CNTNAP5: variants seen among roughly 807,000 people sequenced by gnomAD.
CNTNAP5 encodes the protein contactin-associated protein-like 5.
In CNTNAP5, 72 loss-of-function variants were observed where a neutral mutation model predicts 150.2. The observed-to-expected ratio is 0.48, with a 90% CI of 0.40 to 0.58. The LOEUF (loss-of-function observed/expected upper bound fraction) is 0.58. Among genes scored for constraint, CNTNAP5 ranks in the 20% least tolerant of loss-of-function variants. CNTNAP5 has a pLI of 0.00. For missense variants in CNTNAP5, 1,636 were observed against 1,626.2 expected (o/e 1.01, Z -0.10); for synonymous variants, 672 against 619.8 (o/e 1.08, Z -1.25).
intron 3 of CNTNAP5, among the ~76,000 whole-genome samples, chr2:124,280,484 T>C (rs146975887): frequency 6.6e-6 from 1 of 152,162 alleles, no homozygotes; most frequent in Non-Finnish European, 1.5e-5. Flanking sequence ...TGATTATTTT[T>C]TTTGCCACAA....
At chr2:124,511,918 C>T (rs1368244111) in intron 8 of CNTNAP5, among the ~76,000 whole-genome samples, 1 of 121,014 alleles carries the variant, frequency 8.3e-6, no homozygotes, top group Non-Finnish European at 1.6e-5. Context: ...AATATCTAAA[C>T]CTGAATAGGG....
At chr2:124,767,100 G>C (rs888649369) in intron 16 of CNTNAP5, among the ~76,000 whole-genome samples, 2 of 152,122 alleles carry the variant, frequency 1.3e-5, no homozygotes, top group Non-Finnish European at 1.5e-5. Context: ...TACCCTAAAG[G>C]GTTCATGGCA....
At chr2:124,346,789 G>C (rs150136598) in intron 3 of CNTNAP5, among the ~76,000 whole-genome samples, 32 of 152,014 alleles carry the variant, frequency 2.1e-4, no homozygotes, top group African/African-American at 6.5e-4. Context: ...ATCCAGTACT[G>C]ACCAGGCATG....
intron 17 of CNTNAP5, among the ~76,000 whole-genome samples, chr2:124,780,202 T>C (rs1375678596): frequency 1.3e-5 from 2 of 152,158 alleles, no homozygotes; most frequent in African/African-American, 4.8e-5. Flanking sequence ...GATGTCCCTG[T>C]TCCACTTGGG....
intron 10 of CNTNAP5, among the ~76,000 whole-genome samples, chr2:124,529,836 C>T (rs1558941633): frequency 6.6e-6 from 1 of 152,138 alleles, no homozygotes; most frequent in Non-Finnish European, 1.5e-5. Flanking sequence ...TTGTTGCAGG[C>T]TGTAGAGAAC....
At chr2:124,845,738 T>C (rs754444276) in intron 19 of CNTNAP5, among the ~76,000 whole-genome samples, 1 of 152,122 alleles carries the variant, frequency 6.6e-6, no homozygotes. Context: ...TCCAGGAATG[T>C]ATCCATCTCC....
chr2:124,807,106 A>G lies in CNTNAP5; in HGVS notation c.3217+8786A>G, dbSNP rs201834302. 2.0e-5 allele frequency among the ~76,000 whole-genome samples: 3 copies of G among 152,114 alleles called. No individual in the cohort carries two copies. The East Asian group carries it at 5.8e-4, about 29-fold the overall frequency. On this transcript the variant is annotated intron_variant, in intron 19 of 23. Transcript: ENST00000682447. ...GACCTGTAAATACTTACATCTTGAG[A>G]TGTGAAACAAATTCAATGAAAGGCC...
intron 19 of CNTNAP5, among the ~76,000 whole-genome samples, chr2:124,801,210 A>C (rs946249050): frequency 2.0e-5 from 3 of 152,164 alleles, no homozygotes; most frequent in Non-Finnish European, 4.4e-5. Context: ...TTACTAGTCA[A>C]ACTGCACAGT....
chr2:124,056,536 C>T (rs1430843821), intron 1 of CNTNAP5, among the ~76,000 whole-genome samples: 1 of 152,162 alleles, frequency 6.6e-6, no homozygotes, highest in East Asian at 1.9e-4. Flanking sequence ...ATCCCAGCTA[C>T]TCAGGCGGCT....
At chr2:124,618,345 T>C (rs536606265) in intron 12 of CNTNAP5, among the ~76,000 whole-genome samples, 2 of 152,244 alleles carry the variant, frequency 1.3e-5, no homozygotes, top group East Asian at 3.9e-4. Context: ...ACTGACCCCA[T>C]ATCTTGAGGA....
chr2:124,348,928 C>T (rs1689804783), intron 3 of CNTNAP5, among the ~76,000 whole-genome samples: 1 of 152,036 alleles, frequency 6.6e-6, no homozygotes, highest in Non-Finnish European at 1.5e-5. Context: ...TATATAAATA[C>T]ATATATAACA....
chr2:124,195,435 C>A (rs1172914624), intron 1 of CNTNAP5, among the ~76,000 whole-genome samples: 1 of 152,166 alleles, frequency 6.6e-6, no homozygotes, highest in African/African-American at 2.4e-5. Context: ...GGCTCTCTTG[C>A]AATACTCAAC....
chr2:124,704,793 C>A (rs1230247850), intron 13 of CNTNAP5, among the ~76,000 whole-genome samples: 5 of 152,102 alleles, frequency 3.3e-5, no homozygotes, highest in Admixed American at 3.3e-4. Flanking sequence ...TCCCCCTACA[C>A]CCCAGTTAAA....
At chr2:124,272,642 C>G (rs548355883) in intron 3 of CNTNAP5, among the ~76,000 whole-genome samples, 1 of 152,276 alleles carries the variant, frequency 6.6e-6, no homozygotes, top group Admixed American at 6.5e-5. Context: ...AGCTTCCTCA[C>G]CATTCATTAG....
chr2:124,799,592 G>T (rs775866508), intron 19 of CNTNAP5, among the ~76,000 whole-genome samples: 4 of 152,352 alleles, frequency 2.6e-5, no homozygotes, highest in African/African-American at 4.8e-5. Flanking sequence ...AGGAAGCCTG[G>T]AGTGTGCCCC....
At position 124,531,433 on chromosome 2, in the gene CNTNAP5, A is replaced by G. The variant is rs139806425; in HGVS notation, c.1649+3977A>G. ...GAGGACCCCTGGTCTAAGCTATCAC[A>G]AAGAAAAGTCACTTTCAATAAGGCT... On this transcript the variant is annotated intron_variant, in intron 10 of 23. Transcript: ENST00000682447. Among the ~76,000 whole-genome samples, 280 of 152,260 alleles carry G rather than the reference A, an allele frequency of 1.8e-3. 1 individual carries two copies. The highest frequency in any genetic ancestry group is 6.4e-3 in the African/African-American group (266 of 41,550).
chr2:124,724,144 A>AAAT (rs60984074), intron 13 of CNTNAP5, among the ~76,000 whole-genome samples: 8,848 of 145,566 alleles, frequency 0.061, 414 homozygotes, highest in African/African-American at 0.11. Context: ...ACTCCATCTC[A>AAAT]AATAATAATA....
chr2:124,862,421 G>T (rs992178411), intron 19 of CNTNAP5, among the ~76,000 whole-genome samples: 1 of 152,124 alleles, frequency 6.6e-6, no homozygotes, highest in Non-Finnish European at 1.5e-5. Flanking sequence ...TTATAAACTT[G>T]CAATGTCTAT....
chr2:124,769,317 G>C (rs1239282324), intron 16 of CNTNAP5, among the ~76,000 whole-genome samples: 3 of 151,944 alleles, frequency 2.0e-5, no homozygotes, highest in African/African-American at 7.3e-5. Context: ...CTTCTCAAAA[G>C]TAAATCATGA....
Sources: gnomAD v4.1 joint callset for allele counts (sites outside exome capture counted in the v4.1 genomes callset) on GRCh38, gnomAD v4.1.1 for gene constraint, MANE v1.5 for transcripts, NCBI Gene and HGNC (gene_info 2026-07-23, HGNC 2026-07-21) for gene names.